Variants in TMEM132C observed in about 807,000 individuals in gnomAD.
TMEM132C encodes the protein transmembrane protein 132C.
In TMEM132C, 29 loss-of-function variants were observed where a neutral mutation model predicts 61.4. The ratio of observed to expected loss-of-function variants is 0.47; its 90% CI spans 0.35 to 0.64. The LOEUF (loss-of-function observed/expected upper bound fraction) is 0.64, where lower values mean the gene tolerates loss of function less well. TMEM132C is among the 30% of genes least tolerant of loss of function. The probability of loss-of-function intolerance (pLI) is 0.00; values close to 1 mark genes in which losing one functional copy is unlikely to be tolerated. For synonymous variants in TMEM132C, 656 were observed against 633.1 expected, an observed-to-expected ratio of 1.04 and a Z score of -0.54; for missense variants, 1,408 against 1,476.9, an observed-to-expected ratio of 0.95 and a Z score of 0.76.
chr12:128,531,199 A>G (rs1873285334), intron 2 of TMEM132C, among the ~76,000 whole-genome samples: 1 of 152,258 alleles, frequency 6.6e-6, no homozygotes, highest in Non-Finnish European at 1.5e-5. Flanking sequence ...AGTTAGAAGT[A>G]GCAACAATGC....
chr12:128,673,991 T>TA (rs1416108387), intron 5 of TMEM132C, among the ~76,000 whole-genome samples: 1 of 152,264 alleles, frequency 6.6e-6, no homozygotes, highest in Non-Finnish European at 1.5e-5. Context: ...CAGTGTTGCT[T>TA]AAAAATGTAA....
At chr12:128,422,724 T>C (rs1869031107) in intron 2 of TMEM132C, among the ~76,000 whole-genome samples, 1 of 152,206 alleles carries the variant, frequency 6.6e-6, no homozygotes, top group African/African-American at 2.4e-5. Context: ...CTAATTCTTT[T>C]GTGTTGGGCT....
intron 1 of TMEM132C, among the ~76,000 whole-genome samples, chr12:128,388,602 G>C (rs1874665087): frequency 6.6e-6 from 1 of 152,194 alleles, no homozygotes; most frequent in Non-Finnish European, 1.5e-5. Context: ...CCTCTGACCA[G>C]CTTGGACCAG....
chr12:128,425,138 C>T (rs537511419), intron 2 of TMEM132C, among the ~76,000 whole-genome samples: 14 of 152,324 alleles, frequency 9.2e-5, no homozygotes, highest in Admixed American at 2.0e-4. Flanking sequence ...GCATCCCCCA[C>T]CATAATCTCC....
At chr12:128,512,791 G>A (rs1395386944) in intron 2 of TMEM132C, among the ~76,000 whole-genome samples, 1 of 152,214 alleles carries the variant, frequency 6.6e-6, no homozygotes, top group Non-Finnish European at 1.5e-5. Flanking sequence ...CCACACTGCA[G>A]CGAGAAGGTG....
intron 1 of TMEM132C, among the ~76,000 whole-genome samples, chr12:128,279,002 T>A (rs1870791774): frequency 6.6e-6 from 1 of 152,224 alleles, no homozygotes; most frequent in Non-Finnish European, 1.5e-5. Context: ...CCTACAGATT[T>A]TGGACTTGCC....
chr12:128,625,111 C>T (rs1294967397), intron 4 of TMEM132C, among the ~76,000 whole-genome samples: 3 of 152,236 alleles, frequency 2.0e-5, no homozygotes, highest in Admixed American at 6.5e-5. Context: ...AGAATCCACA[C>T]GGCTCTCTGA....
chr12:128,279,313 C>T (rs1214530466), intron 1 of TMEM132C, among the ~76,000 whole-genome samples: 1 of 152,108 alleles, frequency 6.6e-6, no homozygotes, highest in African/African-American at 2.4e-5. Flanking sequence ...ACTGCTAATC[C>T]TCTAGAGACA....
At chr12:128,311,647 T>C (rs746608123) in intron 1 of TMEM132C, among the ~76,000 whole-genome samples, 1 of 152,220 alleles carries the variant, frequency 6.6e-6, no homozygotes, top group Non-Finnish European at 1.5e-5. Context: ...CTCTCCTTCG[T>C]GCAAGAAACG....
chr12:128,599,760 G>A (rs1240797174), intron 3 of TMEM132C, among the ~76,000 whole-genome samples: 1 of 152,194 alleles, frequency 6.6e-6, no homozygotes, highest in Non-Finnish European at 1.5e-5. Flanking sequence ...GACAGAGATT[G>A]TTAGTGTAAA....
chr12:128,446,435 A>G (rs146313616), intron 2 of TMEM132C, among the ~76,000 whole-genome samples: 39 of 152,348 alleles, frequency 2.6e-4, no homozygotes, highest in African/African-American at 8.9e-4. Context: ...AAGAAAGTCT[A>G]ACTCCTGACT....
chr12:128,512,500 C>T (rs1593080626), intron 2 of TMEM132C, among the ~76,000 whole-genome samples: 1 of 152,094 alleles, frequency 6.6e-6, no homozygotes, highest in East Asian at 1.9e-4. Context: ...GAATCTATTT[C>T]ACCAGGCAAG....
chr12:128,414,902 A>G lies in TMEM132C; in HGVS notation c.256A>G (p.Thr86Ala), dbSNP rs1403161716. 4 of 1,551,540 alleles carry G rather than the reference A, an allele frequency of 2.6e-6. No individual in the cohort carries two copies. The African/African-American group carries it at 5.5e-5, about 21-fold the overall frequency. ...SLQARVESFF[T>A]YKTRQPPVLN... The stretch of plus-strand genomic sequence containing the variant: ...GCAGGCGAGGGTGGAGTCCTTCTTT[A>G]CCTACAAAACCAGGCAGCCCCCAGT... The change falls in exon 2 of 9, where the codon ACC becomes GCC. Residue 86 changes from threonine to alanine, a missense_variant. Physicochemically the swap from Thr to Ala is moderately conservative, Grantham distance 58. Transcript: ENST00000435159.
intron 1 of TMEM132C, among the ~76,000 whole-genome samples, chr12:128,377,472 A>G (rs1482807869): frequency 6.6e-6 from 1 of 152,196 alleles, no homozygotes; most frequent in Non-Finnish European, 1.5e-5. Flanking sequence ...TGTTTTTCCC[A>G]TTGTAGGTAA....
At position 128,669,527 on chromosome 12, in the gene TMEM132C, G is replaced by A. The variant is rs1157101367; in HGVS notation, c.1416G>A (p.Val472=). Residue 472 remains valine (V), a synonymous_variant, in exon 5 of 9, where the codon GTG becomes GTA. Transcript: ENST00000435159. ...NSAVMDISES[V]ECKSTDEDVI... ...CCGTGATGGACATCTCAGAGTCGGT[G>A]GAGTGCAAGTCCACAGACGAGGACG... 1.9e-6 allele frequency: 3 copies of A among 1,551,678 alleles called. No individual in the cohort carries two copies. The highest frequency in any genetic ancestry group is 3.9e-5 in the Admixed American group (2 of 51,000).
intron 2 of TMEM132C, among the ~76,000 whole-genome samples, chr12:128,473,264 CAACCCCT>C (rs1871016936): frequency 6.6e-6 from 1 of 152,124 alleles, no homozygotes; most frequent in African/African-American, 2.4e-5. Flanking sequence ...ATCCTCACTC[CAACCCCT>C]ATCTTCATCT....
rs1593142586 is a variant in TMEM132C, at chr12:128,669,707, G to A, written c.1449+147G>A. ...CACTTCCAGCTGATCCACTCAACGTGTCCATTGCCATCTCTTTGTTTTCAC... is the reference window on the plus strand; with the variant it reads ...CACTTCCAGCTGATCCACTCAACGTATCCATTGCCATCTCTTTGTTTTCAC... On this transcript the variant is annotated intron_variant, in intron 5 of 8. Transcript: ENST00000435159. The A allele has an allele frequency of 6.7e-6, 7 of 1,040,152 alleles. No homozygotes were observed. The East Asian group carries it at 1.1e-4, about 16-fold the overall frequency. 64.4% of individuals were successfully genotyped at this position (1,040,152 alleles called of 1,614,324 possible). A position where few individuals can be genotyped will look rare whatever the true frequency, so the allele number is the denominator to read the frequency against.
chr12:128,541,452 C>A (rs1206821065), intron 2 of TMEM132C, among the ~76,000 whole-genome samples: 1 of 152,188 alleles, frequency 6.6e-6, no homozygotes, highest in Non-Finnish European at 1.5e-5. Context: ...ACCCTCTATT[C>A]TTGCCTTGGT....
intron 5 of TMEM132C, among the ~76,000 whole-genome samples, chr12:128,683,408 C>G (rs1217810600): frequency 1.3e-5 from 2 of 152,186 alleles, no homozygotes; most frequent in Non-Finnish European, 2.9e-5. Flanking sequence ...TACTGCCCAC[C>G]TTCTTTCTCT....
Sources: allele counts gnomAD v4.1 joint callset (sites outside exome capture counted in the v4.1 genomes callset), GRCh38; gene constraint gnomAD v4.1.1; transcripts MANE v1.5; gene names NCBI Gene and HGNC (gene_info 2026-07-23, HGNC 2026-07-21).